The following SLC8A3 variants were observed in gnomAD, a reference collection of about 807,000 sequenced individuals.
The protein encoded by SLC8A3 is solute carrier family 8 member A3, also known as sodium/calcium exchanger 3.
Under a neutral mutation model 65.4 loss-of-function variants are expected in SLC8A3, and 37 were observed. The ratio of observed to expected loss-of-function variants is 0.57; its 90% CI spans 0.44 to 0.74. SLC8A3 has a LOEUF of 0.74. Among genes scored for constraint, SLC8A3 ranks in the 30% least tolerant of loss-of-function variants. The pLI is 0.00. For synonymous variants in SLC8A3, 461 were observed against 444.5 expected, an observed-to-expected ratio of 1.04 and a Z score of -0.47; for missense variants, 1,112 against 1,172.1, an observed-to-expected ratio of 0.95 and a Z score of 0.75.
chr14:70,160,171 G>A (rs10132258), intron 2 of SLC8A3, among the ~76,000 whole-genome samples: 1,965 of 152,302 alleles, frequency 0.013, 42 homozygotes, highest in African/African-American at 0.044. Flanking sequence ...GGGGCTGGAC[G>A]TGGTAGCTCA....
chr14:70,166,803 A>T lies in SLC8A3; in HGVS notation c.1620T>A (p.His540Gln), dbSNP rs1037786086. 2.5e-6 allele frequency: 4 copies of T among 1,614,026 alleles called. No individual in the cohort carries two copies. The African/African-American group carries it at 5.3e-5, about 22-fold the overall frequency. ...GIFTFECDTI[H>Q]VSESIGVMEV... ...CCATAACACCAATACTCTCACTGAC[A>T]TGAATAGTATCACATTCAAAAGTGA... Residue 540 changes from histidine to glutamine, a missense_variant, in exon 2 of 7, where the codon CAT becomes CAA. Coordinates refer to ENST00000356921, the MANE Select transcript of SLC8A3 (RefSeq NM_182932.3).
intron 2 of SLC8A3, among the ~76,000 whole-genome samples, chr14:70,099,867 T>C (rs1173346884): frequency 6.6e-6 from 1 of 152,210 alleles, no homozygotes; most frequent in Non-Finnish European, 1.5e-5. Flanking sequence ...AAAGCCAGAA[T>C]CTGCTGCTCA....
At chr14:70,173,153 GA>G in intron 1 of SLC8A3, among the ~76,000 whole-genome samples, 1 of 152,320 alleles carries the variant, frequency 6.6e-6, no homozygotes, top group Middle Eastern at 3.4e-3. Flanking sequence ...GTAAACCAAA[GA>G]ATGACATGGT....
At chr14:70,164,110 C>T (rs1306663843) in intron 2 of SLC8A3, among the ~76,000 whole-genome samples, 1 of 152,242 alleles carries the variant, frequency 6.6e-6, no homozygotes, top group East Asian at 1.9e-4. Context: ...GTACCAGGTA[C>T]ACCGCATACA....
At chr14:70,127,960 C>A (rs1324829041) in intron 2 of SLC8A3, among the ~76,000 whole-genome samples, 1 of 152,122 alleles carries the variant, frequency 6.6e-6, no homozygotes, top group African/African-American at 2.4e-5. Flanking sequence ...ATCCTGAATT[C>A]CAGGATAGGA....
intron 1 of SLC8A3, among the ~76,000 whole-genome samples, chr14:70,179,525 C>T (rs957497354): frequency 6.6e-6 from 1 of 152,140 alleles, no homozygotes; most frequent in Admixed American, 6.5e-5. Flanking sequence ...CTTCAAACTT[C>T]CTGGCAAGCC....
At chr14:70,087,817 C>T (rs1022306432) in intron 2 of SLC8A3, among the ~76,000 whole-genome samples, 4 of 152,140 alleles carry the variant, frequency 2.6e-5, no homozygotes, top group African/African-American at 9.7e-5. Context: ...AACTTTGCAG[C>T]CCATGTTAAA....
At chr14:70,185,185 T>A (rs1489251381) in intron 1 of SLC8A3, among the ~76,000 whole-genome samples, 1 of 152,204 alleles carries the variant, frequency 6.6e-6, no homozygotes, top group East Asian at 1.9e-4. Flanking sequence ...AAGGCTGGTC[T>A]CGAACTTCTG....
chr14:70,051,367 A>G (rs1887488981), intron 4 of SLC8A3, among the ~76,000 whole-genome samples: 1 of 152,196 alleles, frequency 6.6e-6, no homozygotes, highest in East Asian at 1.9e-4. Flanking sequence ...ATCATGGCTC[A>G]TTGCAACCTC....
intron 2 of SLC8A3, among the ~76,000 whole-genome samples, chr14:70,149,706 C>T (rs1364017660): frequency 6.6e-6 from 1 of 152,192 alleles, no homozygotes; most frequent in African/African-American, 2.4e-5. Context: ...AGTGATTTCA[C>T]ATGTAATTAT....
intron 1 of SLC8A3, among the ~76,000 whole-genome samples, chr14:70,184,505 C>CCTCCA (rs1445860842): frequency 3.3e-5 from 5 of 152,122 alleles, no homozygotes; most frequent in Non-Finnish European, 7.3e-5. Flanking sequence ...ACACTTTCTC[C>CCTCCA]CTCCACTCTC....
chr14:70,085,985 G>C (rs1891404168), intron 2 of SLC8A3, among the ~76,000 whole-genome samples: 1 of 152,208 alleles, frequency 6.6e-6, no homozygotes, highest in Admixed American at 6.5e-5. Context: ...GCTCCATAGT[G>C]CATGTCCTTA....
chr14:70,172,394 G>A (rs56282142), intron 1 of SLC8A3, among the ~76,000 whole-genome samples: 1,983 of 152,256 alleles, frequency 0.013, 16 homozygotes, highest in Non-Finnish European at 0.019. Flanking sequence ...ATAAAGTATG[G>A]TTTTAACCAC....
chr14:70,159,535 T>C (rs1428775921), intron 2 of SLC8A3, among the ~76,000 whole-genome samples: 4 of 151,730 alleles, frequency 2.6e-5, no homozygotes, highest in Non-Finnish European at 5.9e-5. Context: ...AGCTAAAGGG[T>C]GGAGAAGGAA....
At chr14:70,185,509 G>A (rs1446662742) in intron 1 of SLC8A3, among the ~76,000 whole-genome samples, 1 of 152,218 alleles carries the variant, frequency 6.6e-6, no homozygotes, top group Non-Finnish European at 1.5e-5. Context: ...CCATCCCCTG[G>A]GGGAGCACAG....
intron 2 of SLC8A3, among the ~76,000 whole-genome samples, chr14:70,146,977 AT>A (rs1310734745): frequency 3.3e-5 from 5 of 152,176 alleles, no homozygotes; most frequent in Non-Finnish European, 7.3e-5. Context: ...AAGACAAGGT[AT>A]ATATTGATCA....
chr14:70,139,221 A>G (rs1282460619), intron 2 of SLC8A3, among the ~76,000 whole-genome samples: 1 of 152,156 alleles, frequency 6.6e-6, no homozygotes, highest in Non-Finnish European at 1.5e-5. Flanking sequence ...ACTAGTAGGG[A>G]GATTTTTGGC....
chr14:70,180,160 C>T (rs1302133362), intron 1 of SLC8A3, among the ~76,000 whole-genome samples: 1 of 152,246 alleles, frequency 6.6e-6, no homozygotes, highest in East Asian at 1.9e-4. Flanking sequence ...TCCTTCTGCC[C>T]TGTTGCAAAG....
In SLC8A3 at chr14:70,051,053, G is replaced by A. The variant is rs756993083; in HGVS notation, c.2068C>T (p.His690Tyr). 5 of 1,613,472 alleles carry A rather than the reference G, an allele frequency of 3.1e-6. No homozygotes were observed. Among genetic ancestry groups the A allele is most frequent in the Non-Finnish European group, 3.4e-6 (4 of 1,179,628 alleles). ...TCCATGAACTGGTCCCTCCAGGAAT[G>A]GGTCCCCACAACCAAGGCCAGGTTT... ...KTNLALVVGT[H>Y]SWRDQFMEAI... is the part of the protein sequence containing the mutation. The change falls in exon 5 of 7, where the codon CAT becomes TAT. Residue 690 changes from histidine to tyrosine, a missense_variant. Coordinates refer to ENST00000356921, the MANE Select transcript of SLC8A3 (RefSeq NM_182932.3).
Sources: gnomAD v4.1 joint callset for allele counts (sites outside exome capture counted in the v4.1 genomes callset) on GRCh38, gnomAD v4.1.1 for gene constraint, MANE v1.5 for transcripts, NCBI Gene and HGNC (gene_info 2026-07-23, HGNC 2026-07-21) for gene names.